The following PLXNA2 variants were observed in gnomAD, a reference collection of about 807,000 sequenced individuals.
The protein encoded by PLXNA2 is plexin-A2.
PLXNA2 carries 91 observed loss-of-function variants against 193.5 expected under a neutral mutation model. The ratio of observed to expected loss-of-function variants is 0.47; its 90% CI spans 0.40 to 0.56. PLXNA2 has a LOEUF of 0.56. Among genes scored for constraint, PLXNA2 ranks in the 20% least tolerant of loss-of-function variants. The pLI is 0.00. For synonymous variants in PLXNA2, 997 were observed against 1,027.3 expected (o/e 0.97, Z 0.56); for missense variants, 1,995 against 2,503.2 (o/e 0.80, Z 4.33).
intron 11 of PLXNA2, among the ~76,000 whole-genome samples, chr1:208,080,824 G>T (rs1159225060): frequency 6.6e-6 from 1 of 152,174 alleles, no homozygotes; most frequent in Non-Finnish European, 1.5e-5. Flanking sequence ...CCACTTCACA[G>T]ATAAGGAGAC....
rs1034070544 is a variant in PLXNA2 at position 208,082,859 on chromosome 1, G to A, written c.2299-351C>T. ...CAACCTCCATCCTTTTAACCCACCCGTATTCTTCTAGCCCAGCTCAGCTCT... is the reference window on the plus strand; with the variant it reads ...CAACCTCCATCCTTTTAACCCACCCATATTCTTCTAGCCCAGCTCAGCTCT... On this transcript the variant is annotated intron_variant, in intron 10 of 31. Coordinates refer to ENST00000367033, the MANE Select transcript of PLXNA2 (RefSeq NM_025179.4). The surrounding 1 kb of genome is among the most constrained non-coding windows in gnomAD (Gnocchi z 4.2). 3.3e-5 allele frequency among the ~76,000 whole-genome samples: 5 copies of A among 152,164 alleles called. No individual in the cohort carries two copies. The highest frequency in any genetic ancestry group is 3.4e-3 in the Middle Eastern group (1 of 294).
chr1:208,206,732 C>T (rs1670739120), intron 3 of PLXNA2, among the ~76,000 whole-genome samples: 1 of 150,530 alleles, frequency 6.6e-6, no homozygotes, highest in Non-Finnish European at 1.5e-5. Context: ...CTGCAATGCA[C>T]TGACCCTTAG....
intron 13 of PLXNA2, among the ~76,000 whole-genome samples, chr1:208,057,311 C>T (rs201415197): frequency 6.6e-6 from 1 of 152,194 alleles, no homozygotes; most frequent in East Asian, 1.9e-4. Flanking sequence ...AGCCCTGATT[C>T]AAATCCAGGT....
At chr1:208,118,195 A>C (rs1035548086) in intron 4 of PLXNA2, among the ~76,000 whole-genome samples, 9 of 152,228 alleles carry the variant, frequency 5.9e-5, no homozygotes, top group African/African-American at 2.2e-4. Context: ...GGCTTATTGC[A>C]TACAGATGGA....
Position 208,051,238 on chromosome 1 carries a change from TC to T in PLXNA2, c.3161+17del. 1 of 1,600,188 alleles carries T rather than the reference TC, an allele frequency of 6.2e-7. No homozygotes were observed. The highest frequency in any genetic ancestry group is 8.5e-7 in the Non-Finnish European group (1 of 1,171,122). The stretch of plus-strand genomic sequence containing the variant: ...GCTGGGTGGCTTCCAGGTGCATCCC[TC>T]CCACCTTCCACCTCACCTGGCAATG... On this transcript the variant is annotated intron_variant, in intron 16 of 31. Coordinates refer to ENST00000367033, the MANE Select transcript of PLXNA2 (RefSeq NM_025179.4).
intron 3 of PLXNA2, among the ~76,000 whole-genome samples, chr1:208,147,200 T>C (rs561761639): frequency 6.6e-5 from 10 of 152,230 alleles, no homozygotes; most frequent in Non-Finnish European, 1.3e-4. Flanking sequence ...TTTTAATTTT[T>C]TTTTTAGAGA....
intron 3 of PLXNA2, among the ~76,000 whole-genome samples, chr1:208,208,634 G>A (rs1350400245): frequency 6.6e-6 from 1 of 152,222 alleles, no homozygotes; most frequent in African/African-American, 2.4e-5. Context: ...CACATGACCT[G>A]GAGCAGTGAC....
intron 5 of PLXNA2, among the ~76,000 whole-genome samples, chr1:208,099,684 T>C (rs1274832514): frequency 1.3e-5 from 2 of 152,000 alleles, no homozygotes; most frequent in Admixed American, 6.6e-5. Flanking sequence ...AATTCTCCTG[T>C]CCCAGCCTCC....
chr1:208,151,641 G>A (rs775670110), intron 3 of PLXNA2, among the ~76,000 whole-genome samples: 10 of 152,146 alleles, frequency 6.6e-5, no homozygotes, highest in African/African-American at 9.7e-5. Context: ...CATTTATTGA[G>A]CATCTATTCT....
intron 3 of PLXNA2, among the ~76,000 whole-genome samples, chr1:208,157,480 T>G (rs1483869423): frequency 6.6e-6 from 1 of 152,244 alleles, no homozygotes; most frequent in Non-Finnish European, 1.5e-5. Context: ...GTCTTTTTAC[T>G]CTGTGCTTAT....
chr1:208,037,160 G>A (rs1456110037), intron 26 of PLXNA2, among the ~76,000 whole-genome samples: 2 of 152,268 alleles, frequency 1.3e-5, no homozygotes, highest in Admixed American at 6.5e-5. Flanking sequence ...TTTTACAGAT[G>A]AGGAGCCCAA....
intron 12 of PLXNA2, among the ~76,000 whole-genome samples, chr1:208,063,811 G>T (rs559882707): frequency 1.0e-3 from 152 of 152,270 alleles, no homozygotes; most frequent in Non-Finnish European, 2.0e-3. Flanking sequence ...AGATGAAGTG[G>T]TGATTATTTG....
chr1:208,141,892 T>A (rs1668465031), intron 4 of PLXNA2, among the ~76,000 whole-genome samples: 1 of 152,126 alleles, frequency 6.6e-6, no homozygotes, highest in Admixed American at 6.5e-5. Flanking sequence ...AGTCTAAGAC[T>A]CACGCCAAGA....
chr1:208,052,055 G>T (rs192461527), intron 15 of PLXNA2, among the ~76,000 whole-genome samples: 1 of 152,308 alleles, frequency 6.6e-6, no homozygotes, highest in African/African-American at 2.4e-5. Flanking sequence ...TCCTAGTGGT[G>T]ACTGGGGAGC....
intron 20 of PLXNA2, 86 bp from the exon 21 acceptor site, chr1:208,043,289 G>A: frequency 1.5e-6 from 2 of 1,329,348 alleles, no homozygotes; most frequent in Non-Finnish European, 2.1e-6. Context: ...CAAAGGACGA[G>A]GGGAGGACCT....
intron 1 of PLXNA2, among the ~76,000 whole-genome samples, chr1:208,222,332 G>C (rs1302229978): frequency 6.6e-6 from 1 of 152,150 alleles, no homozygotes; most frequent in Non-Finnish European, 1.5e-5. Flanking sequence ...GCCAAAACTT[G>C]CCTAGTCTCT....
At chr1:208,119,893 C>T (rs1667751571) in intron 4 of PLXNA2, among the ~76,000 whole-genome samples, 1 of 152,232 alleles carries the variant, frequency 6.6e-6, no homozygotes, top group Non-Finnish European at 1.5e-5. Flanking sequence ...GGATTACAGG[C>T]ATGAGCCACC....
chr1:208,068,149 T>C (rs1665857161), intron 12 of PLXNA2, among the ~76,000 whole-genome samples: 2 of 152,218 alleles, frequency 1.3e-5, no homozygotes, highest in African/African-American at 4.8e-5. Context: ...CTAGCTTTTC[T>C]TAGGAAACTA....
intron 11 of PLXNA2, among the ~76,000 whole-genome samples, chr1:208,081,037 C>T (rs1430707156): frequency 2.0e-5 from 3 of 152,228 alleles, no homozygotes; most frequent in Non-Finnish European, 4.4e-5. Context: ...GCTGTCTGTG[C>T]ACTCTCAGAG....
Sources: gnomAD v4.1 joint callset for allele counts (sites outside exome capture counted in the v4.1 genomes callset) on GRCh38, gnomAD v4.1.1 for gene constraint, Gnocchi (gnomAD v3.1) non-coding constraint, MANE v1.5 for transcripts, NCBI Gene and HGNC (gene_info 2026-07-23, HGNC 2026-07-21) for gene names.